USP31: variants seen among roughly 807,000 people sequenced by gnomAD.
USP31 encodes the protein ubiquitin specific peptidase 31.
In USP31, 44 loss-of-function variants were observed where a neutral mutation model predicts 119.4. The observed-to-expected ratio is 0.37, with a 90% CI of 0.29 to 0.47. The LOEUF is 0.47. Among genes scored for constraint, USP31 ranks in the 20% least tolerant of loss-of-function variants. The pLI is 0.99. For missense variants in USP31, 1,643 were observed against 1,730.2 expected, an observed-to-expected ratio of 0.95 and a Z score of 0.89; for synonymous variants, 749 against 705.6, an observed-to-expected ratio of 1.06 and a Z score of -0.97.
chr16:23,124,469 A>G (rs563480590), intron 1 of USP31, among the ~76,000 whole-genome samples: 12 of 152,334 alleles, frequency 7.9e-5, no homozygotes, highest in Middle Eastern at 3.4e-3. Flanking sequence ...AATGGCACAG[A>G]ATGTATCATA....
intron 1 of USP31, among the ~76,000 whole-genome samples, chr16:23,138,823 T>G (rs1331236864): frequency 6.6e-6 from 1 of 152,154 alleles, no homozygotes; most frequent in Admixed American, 6.5e-5. Flanking sequence ...GAGCAGGTAT[T>G]GTTTCTTCAG....
At chr16:23,134,461 CT>C (rs1903125308) in intron 1 of USP31, among the ~76,000 whole-genome samples, 1 of 152,118 alleles carries the variant, frequency 6.6e-6, no homozygotes, top group Non-Finnish European at 1.5e-5. Context: ...CTTATCTCCA[CT>C]TTACACATGA....
At chr16:23,138,161 G>A (rs1903249334) in intron 1 of USP31, among the ~76,000 whole-genome samples, 2 of 152,158 alleles carry the variant, frequency 1.3e-5, no homozygotes, top group South Asian at 2.1e-4. Context: ...CAGATTTAGT[G>A]CTAGTTTACA....
rs775161939 is a variant in USP31, at chr16:23,068,069, G to A, written c.4036C>T (p.Arg1346Trp). The A allele has an allele frequency of 6.2e-6, 10 of 1,613,398 alleles. No homozygotes were observed. Among genetic ancestry groups the A allele is most frequent in the Admixed American group, 1.7e-5 (1 of 59,902 alleles). ...KLSSSMQTSA[R>W]PSQKPQ is the part of the protein sequence containing the mutation. ...TATCACTGAGGTTTTTGAGAAGGCC[G>A]TGCAGAGGTTTGCATGCTAGAAGAT... Residue 1346 changes from arginine (R) to tryptophan (W), a missense_variant, in exon 16 of 16, where the codon CGG becomes TGG. Transcript: ENST00000219689.
At chr16:23,122,697 T>C (rs556381081) in intron 1 of USP31, among the ~76,000 whole-genome samples, 1 of 152,254 alleles carries the variant, frequency 6.6e-6, no homozygotes, top group African/African-American at 2.4e-5. Context: ...AGAAGCCAGA[T>C]GCAAAAGGCC....
chr16:23,113,131 T>A (rs1902377706), intron 1 of USP31, among the ~76,000 whole-genome samples: 1 of 151,848 alleles, frequency 6.6e-6, no homozygotes, highest in African/African-American at 2.4e-5. Flanking sequence ...TACTGACGGA[T>A]CGAAAGAGGA....
intron 6 of USP31, among the ~76,000 whole-genome samples, chr16:23,098,368 G>T (rs1164940378): frequency 6.6e-6 from 1 of 152,142 alleles, no homozygotes; most frequent in African/African-American, 2.4e-5. Context: ...TGGATAGGAA[G>T]AATCAATATC....
chr16:23,093,635 A>G (rs145576899), intron 6 of USP31, among the ~76,000 whole-genome samples: 74 of 152,350 alleles, frequency 4.9e-4, no homozygotes, highest in African/African-American at 1.7e-3. Flanking sequence ...TCCCAAGAAG[A>G]CAACCATAGA....
At chr16:23,090,328 G>A (rs2141852311) in intron 7 of USP31, among the ~76,000 whole-genome samples, 1 of 152,282 alleles carries the variant, frequency 6.6e-6, no homozygotes, top group South Asian at 2.1e-4. Context: ...AGAGGTTGCA[G>A]TGAACCGAGA....
At chr16:23,108,204 C>T (rs910743165) in intron 1 of USP31, 21 bp from the exon 2 acceptor site, 13 of 1,585,528 alleles carry the variant, frequency 8.2e-6, no homozygotes, top group Non-Finnish European at 1.0e-5. Flanking sequence ...AAATAAATCA[C>T]CATGAACAGC....
intron 6 of USP31, among the ~76,000 whole-genome samples, chr16:23,098,009 A>G (rs1901688361): frequency 1.3e-5 from 2 of 151,904 alleles, no homozygotes; most frequent in South Asian, 2.1e-4. Flanking sequence ...AGGGTATTCA[A>G]TTAGGAAAAG....
At chr16:23,126,013 G>T (rs963606117) in intron 1 of USP31, among the ~76,000 whole-genome samples, 3 of 152,052 alleles carry the variant, frequency 2.0e-5, no homozygotes, top group African/African-American at 7.2e-5. Flanking sequence ...AGTTACTATG[G>T]GGGTTAAAGG....
At chr16:23,147,108 T>TTTTTG (rs890181949) in intron 1 of USP31, among the ~76,000 whole-genome samples, 8 of 151,702 alleles carry the variant, frequency 5.3e-5, no homozygotes, top group South Asian at 2.1e-4. Context: ...CTTCACGCTG[T>TTTTTG]TTTTGTTTTG....
chr16:23,067,864 C>T lies in USP31; in HGVS notation c.*182G>A, dbSNP rs567126561. On this transcript the variant is annotated 3_prime_UTR_variant, in exon 16 of 16. Transcript: ENST00000219689. ...TATTTGGTTCAATGGCAGAATAAGG[C>T]GACGCTTTGAACAATTTGCAATTGA... 2.3e-5 allele frequency: 17 copies of T among 739,898 alleles called. No homozygotes were observed. Among genetic ancestry groups the T allele is most frequent in the Admixed American group, 2.1e-4 (6 of 29,070 alleles). 45.8% of individuals were successfully genotyped at this position (739,898 alleles called of 1,614,324 possible).
intron 1 of USP31, among the ~76,000 whole-genome samples, chr16:23,117,863 C>G (rs989400951): frequency 6.6e-6 from 1 of 151,766 alleles, no homozygotes; most frequent in South Asian, 2.1e-4. Flanking sequence ...AATCTCAGCT[C>G]ACTGCAACCT....
chr16:23,097,090 C>CGCTA (rs1273094598), intron 6 of USP31, among the ~76,000 whole-genome samples: 1 of 151,544 alleles, frequency 6.6e-6, no homozygotes, highest in African/African-American at 2.4e-5. Flanking sequence ...ATTGATAGAC[C>CGCTA]GCTAGCAAGA....
At position 23,084,997 on chromosome 16, in the gene USP31, T is replaced by C; in HGVS notation, c.1701-8A>G. On this transcript the variant is annotated splice_region_variant and splice_polypyrimidine_tract_variant and intron_variant, in intron 10 of 15. Transcript: ENST00000219689. ...TCAGTATTTACAAATAAGCTGCAAT[T>C]AGGGGGAAAAGCATCTATCAGGGAA... The C allele has an allele frequency of 1.2e-6, 2 of 1,613,504 alleles. No homozygotes were observed. The highest frequency in any genetic ancestry group is 1.7e-6 in the Non-Finnish European group (2 of 1,179,796).
intron 1 of USP31, among the ~76,000 whole-genome samples, chr16:23,109,708 C>T (rs1218947389): frequency 6.6e-6 from 1 of 152,070 alleles, no homozygotes; most frequent in Non-Finnish European, 1.5e-5. Context: ...AGTGGTAAGT[C>T]AGGTTGCTAG....
At position 23,106,464 on chromosome 16, in the gene USP31, C is replaced by T. The variant is rs759524846; in HGVS notation, c.795G>A (p.Met265Ile). ...AGACAGGGAAAGATGGTCCCTCAGG[C>T]ATCATATCAGTCTCTGATGGTGGCT... Reference protein sequence around the residue: ...PLKPPSETDMMPEGPSFPVCS... With the variant: ...PLKPPSETDMIPEGPSFPVCS... Residue 265 changes from methionine to isoleucine, a missense_variant, in exon 3 of 16, where the codon ATG (methionine) becomes ATA (isoleucine). Coordinates refer to ENST00000219689, the MANE Select transcript of USP31 (RefSeq NM_020718.4). 59 of 1,613,124 alleles carry T rather than the reference C, an allele frequency of 3.7e-5. 1 individual carries two copies. The highest frequency in any genetic ancestry group is 4.6e-5 in the Non-Finnish European group (54 of 1,179,726).
Sources: allele counts gnomAD v4.1 joint callset (sites outside exome capture counted in the v4.1 genomes callset), GRCh38; gene constraint gnomAD v4.1.1; transcripts MANE v1.5; gene names NCBI Gene and HGNC (gene_info 2026-07-23, HGNC 2026-07-21).